RND2: variants seen among roughly 807,000 people sequenced by gnomAD.
RND2 encodes the protein rho-related GTP-binding protein RhoN.
RND2 carries 16 observed loss-of-function variants against 25.9 expected under a neutral mutation model. That is an observed-to-expected ratio of 0.62 (90% confidence interval 0.42 to 0.94). RND2 has a LOEUF of 0.94. RND2 is among the 40% of genes least tolerant of loss of function. The pLI is 0.00. For synonymous variants in RND2, 97 were observed against 118.1 expected (o/e 0.82, Z 1.16); for missense variants, 276 against 305.5 (o/e 0.90, Z 0.72).
In RND2 at chr17:43,028,949, G is replaced by A; in HGVS notation, c.*269G>A. ...GGGGCAGGTGGGCGTTAGGGAAGCT[G>A]GTATCAAATGGTGACCTTGGTGGAG... is the stretch of plus-strand genomic sequence containing the variant. On this transcript the variant is annotated 3_prime_UTR_variant, in exon 5 of 5. Coordinates refer to ENST00000587250, the MANE Select transcript of RND2 (RefSeq NM_005440.5). 2.1e-6 allele frequency: 1 copy of A among 486,600 alleles called. No homozygotes were observed. The highest frequency in any genetic ancestry group is 3.3e-5 in the Admixed American group (1 of 30,082). 30.1% of individuals were successfully genotyped at this position (486,600 alleles called of 1,614,324 possible).
intron 3 of RND2, among the ~76,000 whole-genome samples, chr17:43,027,560 C>G (rs1450729912): frequency 6.6e-6 from 1 of 152,140 alleles, no homozygotes; most frequent in Non-Finnish European, 1.5e-5. Context: ...CTCTGCTCTT[C>G]CAACTCCTTG....
At chr17:43,027,977 G>C (rs144494299) in intron 3 of RND2, 84 bp from the exon 4 acceptor site, 3 of 1,481,252 alleles carry the variant, frequency 2.0e-6, no homozygotes, top group Middle Eastern at 1.9e-4. Flanking sequence ...TTGAGGAAGA[G>C]AGGGCACACT....
rs2050669611 is a variant in RND2 at position 43,031,196 on chromosome 17, A to G, written c.*2516A>G. On this transcript the variant is annotated 3_prime_UTR_variant, in exon 5 of 5. Coordinates refer to ENST00000587250, the MANE Select transcript of RND2 (RefSeq NM_005440.5). ...TGCCAGGTTCCAGTCTTGAGAGGAA[A>G]GGAATCCCTACCCACCACTCCCTGG... 1 of 152,218 alleles carries G rather than the reference A, an allele frequency of 6.6e-6. No individual in the cohort carries two copies. The highest frequency in any genetic ancestry group is 1.5e-5 in the Non-Finnish European group (1 of 68,036). 9.4% of individuals were successfully genotyped at this position (152,218 alleles called of 1,614,324 possible). A position where few individuals can be genotyped will look rare whatever the true frequency, so the allele number is the denominator to read the frequency against.
At chr17:43,028,312 A>G in intron 4 of RND2, 117 bp downstream of exon 4, 1 of 1,582,862 alleles carries the variant, frequency 6.3e-7, no homozygotes, top group Middle Eastern at 1.7e-4. Context: ...GTGACCTCTG[A>G]CCTGATCCCT....
chr17:43,028,042 CTT>C lies in RND2; in HGVS notation c.301-16_301-15del, dbSNP rs763503210. 6.2e-6 allele frequency: 10 copies of C among 1,608,136 alleles called. No individual in the cohort carries two copies. Among genetic ancestry groups the C allele is most frequent in the Non-Finnish European group, 8.5e-6 (10 of 1,177,300 alleles). ...CCTCCCTCCACCCCTCCACAATTCT[CTT>C]TTCTTCTCCTACATAGTGGCAAGGA... On this transcript the variant is annotated splice_polypyrimidine_tract_variant and intron_variant, in intron 3 of 4. Coordinates refer to ENST00000587250, the MANE Select transcript of RND2 (RefSeq NM_005440.5).
At chr17:43,027,428 C>T (rs1212396015) in intron 3 of RND2, 136 bp downstream of exon 3, 3 of 586,500 alleles carry the variant, frequency 5.1e-6, no homozygotes, top group South Asian at 2.2e-5. Context: ...GCTCTCATCC[C>T]TGCCACCCCT....
chr17:43,026,650 A>G (rs1191358946), intron 2 of RND2, among the ~76,000 whole-genome samples: 1 of 152,200 alleles, frequency 6.6e-6, no homozygotes, highest in African/African-American at 2.4e-5. Flanking sequence ...CTCCATCTCA[A>G]AAAATAAAAA....
rs2050671142 is a variant in RND2, at chr17:43,031,422, C to T, written c.*2742C>T. ...AGGGTACAGGAGAGGGCAGGGGCTC[C>T]AGGCCCAGCTAGGTGGATCTCCATC... On this transcript the variant is annotated 3_prime_UTR_variant, in exon 5 of 5. Coordinates refer to ENST00000587250, the MANE Select transcript of RND2 (RefSeq NM_005440.5). 1 of 152,204 alleles carries T rather than the reference C, an allele frequency of 6.6e-6. No homozygotes were observed. Among genetic ancestry groups the T allele is most frequent in the African/African-American group, 2.4e-5 (1 of 41,452 alleles). 9.4% of individuals were successfully genotyped at this position (152,204 alleles called of 1,614,324 possible).
chr17:43,028,354 G>A lies in RND2; in HGVS notation c.436-78G>A. On this transcript the variant is annotated intron_variant, in intron 4 of 4. Coordinates refer to ENST00000587250, the MANE Select transcript of RND2 (RefSeq NM_005440.5). ...CCCCCAGCCTTGACATTCAACCCCA[G>A]CCCACAGCCTCCATGCCCCTTTCTA... is the stretch of plus-strand genomic sequence containing the variant. The A allele has an allele frequency of 1.9e-6, 3 of 1,588,346 alleles. No homozygotes were observed. In the South Asian group the frequency reaches 3.4e-5, roughly 18 times the overall value.
At chr17:43,025,911 G>A (rs1173483437) in intron 1 of RND2, 49 bp from the exon 2 acceptor site, 2 of 1,417,528 alleles carry the variant, frequency 1.4e-6, no homozygotes, top group Non-Finnish European at 2.0e-6. Flanking sequence ...ATTTATCTGG[G>A]GTGAGGACTT....
chr17:43,029,056 GA>G lies in RND2; in HGVS notation c.*377del. On this transcript the variant is annotated 3_prime_UTR_variant, in exon 5 of 5. Transcript: ENST00000587250. ...GGCCCAAGGAAAATGTCCATTCTAT[GA>G]CCTTCTCTTTTCCTCTCCTCTCACT... The G allele has an allele frequency of 4.1e-6, 1 of 245,298 alleles. No individual in the cohort carries two copies. Among genetic ancestry groups the G allele is most frequent in the Non-Finnish European group, 8.1e-6 (1 of 123,970 alleles). 15.2% of individuals were successfully genotyped at this position (245,298 alleles called of 1,614,324 possible). A position where few individuals can be genotyped will look rare whatever the true frequency, so the allele number is the denominator to read the frequency against.
rs2151975060 is a variant in RND2, at chr17:43,028,937, G to A, written c.*257G>A. ...ATGAACTGGGATGGGGCAGGTGGGCGTTAGGGAAGCTGGTATCAAATGGTG... is the reference window on the plus strand; with the variant it reads ...ATGAACTGGGATGGGGCAGGTGGGCATTAGGGAAGCTGGTATCAAATGGTG... On this transcript the variant is annotated 3_prime_UTR_variant, in exon 5 of 5. Coordinates refer to ENST00000587250, the MANE Select transcript of RND2 (RefSeq NM_005440.5). 1 of 525,416 alleles carries A rather than the reference G, an allele frequency of 1.9e-6. No homozygotes were observed. The highest frequency in any genetic ancestry group is 3.4e-6 in the Non-Finnish European group (1 of 295,682). 32.5% of individuals were successfully genotyped at this position (525,416 alleles called of 1,614,324 possible). A position where few individuals can be genotyped will look rare whatever the true frequency, so the allele number is the denominator to read the frequency against.
chr17:43,027,959 C>T, intron 3 of RND2, 102 bp from the exon 4 acceptor site: 1 of 1,363,606 alleles, frequency 7.3e-7, no homozygotes, highest in South Asian at 1.4e-5. Context: ...TACATGGTTT[C>T]TGCGTGCTTG....
At position 43,028,162 on chromosome 17, in the gene RND2, C is replaced by T. The variant is rs1247655361; in HGVS notation, c.402C>T (p.Ser134=). ...ACCTGGCCACACTGAGGGAGCTGTC[C>T]AAGCAGAGGCTTATCCCTGTTACAC... is the stretch of plus-strand genomic sequence containing the variant. ...RTDLATLREL[S]KQRLIPVTHE... is the part of the protein sequence containing the mutation. Residue 134 remains serine (S), a synonymous_variant, in exon 4 of 5, where the codon TCC becomes TCT. Coordinates refer to ENST00000587250, the MANE Select transcript of RND2 (RefSeq NM_005440.5). The T allele has an allele frequency of 1.9e-6, 3 of 1,614,046 alleles. No individual in the cohort carries two copies. Among genetic ancestry groups the T allele is most frequent in the African/African-American group, 1.3e-5 (1 of 74,904 alleles).
intron 3 of RND2, among the ~76,000 whole-genome samples, chr17:43,027,532 G>A (rs1234890886): frequency 2.0e-5 from 3 of 152,148 alleles, no homozygotes; most frequent in Non-Finnish European, 4.4e-5. Context: ...GAAGGGAGAA[G>A]CACTCACAGG....
At chr17:43,028,284 C>T (rs1390903666) in intron 4 of RND2, 89 bp downstream of exon 4, 2 of 1,595,624 alleles carry the variant, frequency 1.3e-6, no homozygotes, top group African/African-American at 2.7e-5. Context: ...TTACCTGGCT[C>T]ATCCTTTGTT....
chr17:43,028,601 C>T lies in RND2; in HGVS notation c.605C>T (p.Ala202Val). The T allele has an allele frequency of 6.2e-7, 1 of 1,613,946 alleles. No individual in the cohort carries two copies. The highest frequency in any genetic ancestry group is 8.5e-7 in the Non-Finnish European group (1 of 1,179,946). The change falls in exon 5 of 5, where the codon GCT becomes GTT. Residue 202 changes from alanine to valine, a missense_variant. Physicochemically the swap from Ala to Val is moderately conservative, Grantham distance 64. Transcript: ENST00000587250. ...TCACGCCGGGGAATGCAGCGATCCG[C>T]TCAGCTGTCAGGACGGCCAGACCGG... ...TDSRRGMQRSAQLSGRPDRGN... is the reference protein window; with the variant it reads ...TDSRRGMQRSVQLSGRPDRGN...
rs1184663306 is a variant in RND2 at position 43,028,646 on chromosome 17, A to C, written c.650A>C (p.His217Pro). 1.3e-6 allele frequency: 2 copies of C among 1,596,782 alleles called. No individual in the cohort carries two copies. Among genetic ancestry groups the C allele is most frequent in the East Asian group, 2.3e-5 (1 of 44,050 alleles). Residue 217 changes from histidine (H) to proline (P), a missense_variant, in exon 5 of 5, where the codon CAC (histidine) becomes CCC (proline). By Grantham distance (77) the His-to-Pro change is moderately conservative. Coordinates refer to ENST00000587250, the MANE Select transcript of RND2 (RefSeq NM_005440.5). ...RPDRGNEGEIHKDRAKSCNLM is the reference protein window; with the variant it reads ...RPDRGNEGEIPKDRAKSCNLM The stretch of plus-strand genomic sequence containing the variant: ...GACCGGGGGAATGAGGGCGAGATAC[A>C]CAAGGATCGAGCCAAAAGCTGCAAC...
rs1413062279 is a variant in RND2 at position 43,027,251 on chromosome 17, G to A, written c.259G>A (p.Asp87Asn). ...PDSDAVLICF[D>N]ISRPETLDSV... ...TTCTGATGCTGTGCTCATCTGCTTC[G>A]ACATTAGCCGACCAGAAACACTGGA... The change falls in exon 3 of 5, where the codon GAC (aspartate) becomes AAC (asparagine). Residue 87 changes from aspartate to asparagine, a missense_variant. Transcript: ENST00000587250. The A allele has an allele frequency of 1.9e-6, 3 of 1,612,738 alleles. No homozygotes were observed. The highest frequency in any genetic ancestry group is 2.2e-5 in the East Asian group (1 of 44,812).
Sources: allele counts gnomAD v4.1 joint callset (sites outside exome capture counted in the v4.1 genomes callset), GRCh38; gene constraint gnomAD v4.1.1; transcripts MANE v1.5; gene names NCBI Gene and HGNC (gene_info 2026-07-23, HGNC 2026-07-21).